The following MRE11 variants were observed in gnomAD, a reference collection of about 807,000 sequenced individuals.
The protein encoded by MRE11 is MRE11 double strand break repair nuclease.
In MRE11, 62 loss-of-function variants were observed where a neutral mutation model predicts 91.7. That is an observed-to-expected ratio of 0.68 (90% confidence interval 0.55 to 0.84). The LOEUF is 0.84. MRE11 is among the 40% of genes least tolerant of loss of function. MRE11 has a pLI of 0.00. For missense variants in MRE11, 796 were observed against 852.9 expected, an observed-to-expected ratio of 0.93 and a Z score of 0.83; for synonymous variants, 273 against 271.4, an observed-to-expected ratio of 1.01 and a Z score of -0.06.
chr11:94,459,345 C>T (rs1591672049), intron 13 of MRE11, 63 bp downstream of exon 13: 1 of 1,563,562 alleles, frequency 6.4e-7, no homozygotes, highest in Non-Finnish European at 8.8e-7. Flanking sequence ...AGAAAAAAAT[C>T]TCAGAGCTAC....
chr11:94,469,040 A>T (rs1946641493), intron 9 of MRE11, among the ~76,000 whole-genome samples: 1 of 152,212 alleles, frequency 6.6e-6, no homozygotes, highest in African/African-American at 2.4e-5. Flanking sequence ...ATAAAAAATA[A>T]TATAACTTAA....
the MRE11 span, among the ~76,000 whole-genome samples, chr11:94,508,353 A>G: frequency 6.6e-6 from 1 of 152,238 alleles, no homozygotes; most frequent in African/African-American, 2.4e-5. Flanking sequence ...AAGGGTAGAC[A>G]TGAGGAAGAC....
chr11:94,449,174 G>C (rs1946026925), intron 14 of MRE11, among the ~76,000 whole-genome samples: 1 of 152,160 alleles, frequency 6.6e-6, no homozygotes, highest in South Asian at 2.1e-4. Flanking sequence ...ATGTGAACAA[G>C]GCAGGCAGCA....
At chr11:94,456,093 A>G (rs1565217913) in intron 14 of MRE11, among the ~76,000 whole-genome samples, 183 bp downstream of exon 14, 1 of 152,148 alleles carries the variant, frequency 6.6e-6, no homozygotes, top group South Asian at 2.1e-4. Context: ...AAATGGAAAA[A>G]AAGAGCAATG....
chr11:94,511,257 C>G, the MRE11 span, among the ~76,000 whole-genome samples: 1 of 152,158 alleles, frequency 6.6e-6, no homozygotes, highest in Non-Finnish European at 1.5e-5. Flanking sequence ...CCTGCTTTTG[C>G]TATGTGAGCT....
the MRE11 span, among the ~76,000 whole-genome samples, chr11:94,502,229 G>A: frequency 2.6e-5 from 4 of 152,186 alleles, no homozygotes; most frequent in Non-Finnish European, 5.9e-5. Flanking sequence ...TGCGCATGAT[G>A]GAGGTTTGTC....
chr11:94,468,129 G>A (rs538720299), intron 9 of MRE11, among the ~76,000 whole-genome samples: 180 of 151,868 alleles, frequency 1.2e-3, no homozygotes, highest in African/African-American at 1.4e-3. Context: ...AATTCTTTTA[G>A]AATAAAACTT....
chr11:94,473,923 A>G (rs984641601), intron 7 of MRE11, among the ~76,000 whole-genome samples: 1 of 152,186 alleles, frequency 6.6e-6, no homozygotes, highest in Non-Finnish European at 1.5e-5. Flanking sequence ...CAAAGAAGTC[A>G]CAAGTAAGGA....
upstream of MRE11, chr11:94,498,466 G>A (rs1472145388): frequency 6.8e-6 from 11 of 1,613,790 alleles, no homozygotes; most frequent in African/African-American, 1.3e-5. Flanking sequence ...TTGCCAGGAG[G>A]ACAAGTATCT....
At chr11:94,487,326 C>T (rs533153576) in intron 3 of MRE11, among the ~76,000 whole-genome samples, 1 of 152,218 alleles carries the variant, frequency 6.6e-6, no homozygotes, top group East Asian at 1.9e-4. Flanking sequence ...GGCAGTGACT[C>T]CAGGAAATAT....
chr11:94,491,886 A>G (rs912001069), intron 2 of MRE11, among the ~76,000 whole-genome samples: 1 of 112,044 alleles, frequency 8.9e-6, no homozygotes, highest in Non-Finnish European at 1.8e-5. Context: ...ATATCCAAGA[A>G]GGTAGGTCAG....
intron 6 of MRE11, among the ~76,000 whole-genome samples, chr11:94,477,810 T>A (rs577660272): frequency 6.6e-6 from 1 of 152,098 alleles, no homozygotes. Context: ...AAGGGAACAG[T>A]GTGTTTGCAG....
chr11:94,437,143 T>C (rs752809339), intron 17 of MRE11, 34 bp downstream of exon 17: 1 of 1,553,644 alleles, frequency 6.4e-7, no homozygotes, highest in Non-Finnish European at 8.8e-7. Context: ...AAACATAAAT[T>C]ATTAATACAC....
chr11:94,489,761 C>T (rs758082002), intron 3 of MRE11, among the ~76,000 whole-genome samples: 2 of 152,148 alleles, frequency 1.3e-5, no homozygotes, highest in Non-Finnish European at 2.9e-5. Flanking sequence ...CCTGGGCTGG[C>T]GTGTTAACTG....
chr11:94,421,891 A>G (rs1945180741), intron 19 of MRE11, among the ~76,000 whole-genome samples: 1 of 152,236 alleles, frequency 6.6e-6, no homozygotes, highest in Non-Finnish European at 1.5e-5. Context: ...GGTAGTTACC[A>G]GGGGATGAAG....
At chr11:94,439,562 C>T (rs1459882347) in intron 16 of MRE11, among the ~76,000 whole-genome samples, 1 of 152,130 alleles carries the variant, frequency 6.6e-6, no homozygotes, top group East Asian at 1.9e-4. Flanking sequence ...AATACTTAAG[C>T]TCATTTAATA....
chr11:94,432,350 T>C (rs1348418234), intron 18 of MRE11, among the ~76,000 whole-genome samples: 1 of 151,148 alleles, frequency 6.6e-6, no homozygotes, highest in Non-Finnish European at 1.5e-5. Flanking sequence ...CATGTCTTTA[T>C]TGTTTTTTTC....
intron 3 of MRE11, among the ~76,000 whole-genome samples, chr11:94,488,029 A>G (rs111605801): frequency 2.0e-5 from 3 of 152,362 alleles, no homozygotes; most frequent in African/African-American, 7.2e-5. Context: ...ATACACATCT[A>G]GAAGTCCCTA....
chr11:94,431,744 A>G (rs1945467485), intron 18 of MRE11, among the ~76,000 whole-genome samples: 1 of 152,236 alleles, frequency 6.6e-6, no homozygotes. Context: ...AGCACCACGC[A>G]AGCTAATTCA....
Sources: allele counts gnomAD v4.1 joint callset (sites outside exome capture counted in the v4.1 genomes callset), GRCh38; gene constraint gnomAD v4.1.1; transcripts MANE v1.5; gene names NCBI Gene and HGNC (gene_info 2026-07-23, HGNC 2026-07-21).